RTN4: variants seen among roughly 807,000 people sequenced by gnomAD.
The protein encoded by RTN4 is reticulon 4.
A neutral mutation model predicts 90.4 loss-of-function variants in RTN4; 32 were observed. The ratio of observed to expected loss-of-function variants is 0.35; its 90% confidence interval spans 0.27 to 0.48. RTN4 has a LOEUF of 0.48. RTN4 is among the 20% of genes least tolerant of loss of function. RTN4 has a pLI of 0.99. For synonymous variants in RTN4, 629 were observed against 552.5 expected, an observed-to-expected ratio of 1.14 and a Z score of -1.94; for missense variants, 1,706 against 1,430.2, an observed-to-expected ratio of 1.19 and a Z score of -3.11.
intron 3 of RTN4, among the ~76,000 whole-genome samples, chr2:55,000,687 G>T (rs776846199): frequency 6.6e-6 from 1 of 152,106 alleles, no homozygotes; most frequent in Admixed American, 6.5e-5. Context: ...ATTGTGTAGG[G>T]TTACAAACTG....
chr2:55,098,098 T>C (rs1185828123), intron 1 of RTN4, among the ~76,000 whole-genome samples: 17 of 152,132 alleles, frequency 1.1e-4, no homozygotes, highest in Non-Finnish European at 2.5e-4. Flanking sequence ...TATTTCTTTG[T>C]ACTCCCTTTA....
chr2:54,998,732 A>C (rs948214250), intron 3 of RTN4, among the ~76,000 whole-genome samples: 2 of 152,200 alleles, frequency 1.3e-5, no homozygotes, highest in African/African-American at 2.4e-5. Context: ...GAAACATTTA[A>C]ATTCATTTTC....
rs1193760146 is a variant in RTN4 at position 55,025,829 on chromosome 2, G to A, written c.2270C>T (p.Pro757Leu). 3.1e-6 allele frequency: 5 copies of A among 1,613,414 alleles called. No individual in the cohort carries two copies. Among genetic ancestry groups the A allele is most frequent in the Non-Finnish European group, 4.2e-6 (5 of 1,179,792 alleles). The change falls in exon 3 of 9, where the codon CCA (proline) becomes CTA (leucine). Residue 757 changes from proline to leucine, a missense_variant. Coordinates refer to ENST00000337526, the MANE Select transcript of RTN4 (RefSeq NM_020532.5). ...LFSDDSIPDV[P>L]QKQDETVMLV... Reference sequence around the variant, plus strand: ...CATCACAGTTTCATCTTGTTTTTGTGGAACGTCAGGTATTGAATCATCACT... The same window carrying A: ...CATCACAGTTTCATCTTGTTTTTGTAGAACGTCAGGTATTGAATCATCACT...
rs557707750 is a variant in RTN4 at position 55,058,723 on chromosome 2, T to A, written c.-63+21766A>T. Among the ~76,000 whole-genome samples the A allele has an allele frequency of 9.0e-4, 137 of 152,154 alleles. 1 individual carries two copies. Among genetic ancestry groups the A allele is most frequent in the African/African-American group, 3.2e-3 (133 of 41,502 alleles). On this transcript the variant is annotated intron_variant, in intron 2 of 3. Transcript: ENST00000427710. ...GATGCTAAGAAAAATGGAAAAAAAATCAAAGAAATGACAGATAGCTTTAGA... is the reference window on the plus strand; with the variant it reads ...GATGCTAAGAAAAATGGAAAAAAAAACAAAGAAATGACAGATAGCTTTAGA...
intron 1 of RTN4, among the ~76,000 whole-genome samples, chr2:55,043,545 G>A (rs186589216): frequency 6.6e-6 from 1 of 152,210 alleles, no homozygotes; most frequent in East Asian, 1.9e-4. Context: ...TTGAGCCCAG[G>A]AGTTCAAGAC....
intron 1 of RTN4, among the ~76,000 whole-genome samples, chr2:55,106,588 C>T (rs1280694576): frequency 4.6e-5 from 7 of 152,138 alleles, no homozygotes; most frequent in East Asian, 3.9e-4. Context: ...GGCGTGATCT[C>T]GGCTCACTGC....
At chr2:55,077,756 TACACACACACACACACACACAC>T (rs200121610) in intron 2 of RTN4, among the ~76,000 whole-genome samples, 1 of 144,350 alleles carries the variant, frequency 6.9e-6, no homozygotes, top group Non-Finnish European at 1.5e-5. Flanking sequence ...AAATGTTTTA[TACACACACACACACACACACAC>T]ACACACACAC....
intron 1 of RTN4, among the ~76,000 whole-genome samples, chr2:55,081,117 C>G (rs758738778): frequency 1.3e-5 from 2 of 152,024 alleles, no homozygotes; most frequent in Non-Finnish European, 1.5e-5. Flanking sequence ...CTCTGTCACC[C>G]AGGCTGGAGC....
intron 5 of RTN4, among the ~76,000 whole-genome samples, chr2:54,977,406 G>GT (rs34777052): frequency 0.68 from 99,468 of 145,976 alleles, 33,788 homozygotes; most frequent in Middle Eastern, 0.75. Flanking sequence ...AGCTCAGGCC[G>GT]TTTTTTTTTT....
At chr2:55,113,953 T>C (rs967573396), upstream of RTN4, among the ~76,000 whole-genome samples, 4 of 152,192 alleles carry the variant, frequency 2.6e-5, no homozygotes, top group African/African-American at 9.7e-5. Context: ...AACTGGGCTG[T>C]GAAAGAAACA....
upstream of RTN4, among the ~76,000 whole-genome samples, chr2:55,051,191 C>T (rs376837039): frequency 5.5e-4 from 84 of 152,242 alleles, no homozygotes; most frequent in Non-Finnish European, 1.1e-3. Context: ...GATCTGGGGC[C>T]GACCATTTGA....
In RTN4 at chr2:55,049,795, G is replaced by A; in HGVS notation, c.506C>T (p.Pro169Leu). The A allele has an allele frequency of 1.5e-6, 2 of 1,310,020 alleles. No individual in the cohort carries two copies. The highest frequency in any genetic ancestry group is 1.9e-6 in the Non-Finnish European group (2 of 1,031,610). 81.1% of individuals were successfully genotyped at this position (1,310,020 alleles called of 1,614,324 possible). A position where few individuals can be genotyped will look rare whatever the true frequency, so the allele number is the denominator to read the frequency against. The change falls in exon 1 of 9, where the codon CCC becomes CTC. Residue 169 changes from proline (P) to leucine (L), a missense_variant. Transcript: ENST00000337526. ...CTTGGGCGCGGCCGGGGTGGAGGGG[G>A]GCGCGGCGGGAGCCGGGGCTGGCGG... ...WTPPAPAPAA[P>L]PSTPAAPKRR...
chr2:55,106,432 T>C (rs1475348109), intron 1 of RTN4, among the ~76,000 whole-genome samples: 2 of 152,122 alleles, frequency 1.3e-5, no homozygotes, highest in East Asian at 3.8e-4. Flanking sequence ...AAAGCCCTCA[T>C]CCAGGGCCTC....
At chr2:55,086,042 C>G (rs1668831094) in intron 1 of RTN4, among the ~76,000 whole-genome samples, 1 of 152,202 alleles carries the variant, frequency 6.6e-6, no homozygotes, top group African/African-American at 2.4e-5. Context: ...TCTGACATTT[C>G]TTCATCAGAT....
rs1200708411 is a variant in RTN4, at chr2:54,972,880, G to GT, written c.*275dup. 1.1e-4 allele frequency: 34 copies of GT among 315,222 alleles called. No homozygotes were observed. Among genetic ancestry groups the GT allele is most frequent in the Admixed American group, 1.0e-4 (2 of 19,590 alleles). The allele number at this position is 315,222 out of a possible 1,614,324, so 19.5% of individuals were successfully genotyped here. A position where few individuals can be genotyped will look rare whatever the true frequency, so the allele number is the denominator to read the frequency against. Reference sequence around the variant, plus strand: ...ATCTGCAACAAAGTAAAATATACAGGTTTTTTATTCCACCAGTGCCTCAGA... The same window carrying GT: ...ATCTGCAACAAAGTAAAATATACAGGTTTTTTTATTCCACCAGTGCCTCAGA... On this transcript the variant is annotated 3_prime_UTR_variant, in exon 9 of 9. Transcript: ENST00000337526.
At position 55,075,778 on chromosome 2, in the gene RTN4, A is replaced by G. The variant is rs142514644; in HGVS notation, c.-63+4711T>C. On this transcript the variant is annotated intron_variant, in intron 2 of 3. Transcript: ENST00000427710. ...ATGGAACAGAATGGAGAACCCATAA[A>G]TAAAGCCAAATATTTATAGTCAACT... 4.4e-4 allele frequency among the ~76,000 whole-genome samples: 67 copies of G among 152,346 alleles called. No individual in the cohort carries two copies. The East Asian group carries it at 0.013, about 28-fold the overall frequency.
At chr2:55,067,725 T>C (rs920512158) in intron 2 of RTN4, among the ~76,000 whole-genome samples, 2 of 152,190 alleles carry the variant, frequency 1.3e-5, no homozygotes, top group African/African-American at 4.8e-5. Flanking sequence ...CATATTGTAA[T>C]TTATATTCTT....
chr2:55,048,666 T>G (rs978245290), intron 1 of RTN4, among the ~76,000 whole-genome samples: 1 of 152,206 alleles, frequency 6.6e-6, no homozygotes, highest in Non-Finnish European at 1.5e-5. Context: ...AACGTCGTTA[T>G]GAGGCACGTG....
intron 3 of RTN4, among the ~76,000 whole-genome samples, chr2:55,024,747 AAT>A (rs1208038741): frequency 1.3e-5 from 2 of 152,150 alleles, no homozygotes; most frequent in African/African-American, 4.8e-5. Flanking sequence ...AAAATATTTT[AAT>A]ATCTCTTGCT....
Sources: allele counts gnomAD v4.1 joint callset (sites outside exome capture counted in the v4.1 genomes callset), GRCh38; gene constraint gnomAD v4.1.1; transcripts MANE v1.5; gene names NCBI Gene and HGNC (gene_info 2026-07-23, HGNC 2026-07-21).